ANTXR2: variants seen among roughly 807,000 people sequenced by gnomAD.
ANTXR2 encodes the protein ANTXR cell adhesion molecule 2.
ANTXR2 carries 44 observed loss-of-function variants against 73.7 expected under a neutral mutation model. The ratio of observed to expected loss-of-function variants is 0.60; its 90% CI spans 0.47 to 0.77. The LOEUF is 0.77. Among genes scored for constraint, ANTXR2 ranks in the 30% least tolerant of loss-of-function variants. The pLI, the probability that ANTXR2 is intolerant of heterozygous loss-of-function variation, is 0.00. For synonymous variants in ANTXR2, 217 were observed against 205.9 expected (o/e 1.05, Z -0.46); for missense variants, 604 against 592.5 (o/e 1.02, Z -0.20).
chr4:80,017,599 G>C (rs1731936159), intron 11 of ANTXR2, among the ~76,000 whole-genome samples: 1 of 152,118 alleles, frequency 6.6e-6, no homozygotes, highest in East Asian at 1.9e-4. Context: ...ATCATGCATT[G>C]TTATAGGATA....
intron 16 of ANTXR2, among the ~76,000 whole-genome samples, chr4:79,949,718 A>C (rs1251066803): frequency 1.3e-5 from 2 of 152,190 alleles, no homozygotes; most frequent in Non-Finnish European, 1.5e-5. Context: ...ACTTCATATG[A>C]GGATTAAATA....
chr4:79,908,213 C>T (rs982184431), intron 16 of ANTXR2, among the ~76,000 whole-genome samples: 1 of 152,194 alleles, frequency 6.6e-6, no homozygotes, highest in African/African-American at 2.4e-5. Flanking sequence ...TACTGATCCA[C>T]TGTACCACCT....
intron 16 of ANTXR2, among the ~76,000 whole-genome samples, chr4:79,944,813 A>G (rs1728456526): frequency 6.6e-6 from 1 of 152,026 alleles, no homozygotes; most frequent in Admixed American, 6.6e-5. Context: ...TTCTACCCCA[A>G]TGTTTTCTCC....
intron 12 of ANTXR2, among the ~76,000 whole-genome samples, chr4:80,005,849 A>C (rs1731277072): frequency 6.6e-6 from 1 of 152,086 alleles, no homozygotes; most frequent in Non-Finnish European, 1.5e-5. Context: ...AGACTGATCG[A>C]ATCTCTCCAG....
intron 16 of ANTXR2, among the ~76,000 whole-genome samples, chr4:79,913,813 G>A (rs1727242329): frequency 6.6e-6 from 1 of 152,114 alleles, no homozygotes; most frequent in Non-Finnish European, 1.5e-5. Flanking sequence ...TAGTGCATGA[G>A]AAGGGAACAA....
intron 12 of ANTXR2, among the ~76,000 whole-genome samples, chr4:79,998,989 G>A (rs749848803): frequency 2.0e-5 from 3 of 151,974 alleles, no homozygotes; most frequent in Non-Finnish European, 2.9e-5. Flanking sequence ...GACACTATCT[G>A]CAACATTTAG....
intron 7 of ANTXR2, among the ~76,000 whole-genome samples, chr4:80,049,116 G>A (rs1188642106): frequency 9.4e-6 from 1 of 105,832 alleles, no homozygotes; most frequent in Non-Finnish European, 2.0e-5. Context: ...AATACTTTCT[G>A]AGGTATTCTT....
intron 16 of ANTXR2, among the ~76,000 whole-genome samples, chr4:79,966,730 AAT>A (rs1729380269): frequency 6.6e-6 from 1 of 152,232 alleles, no homozygotes; most frequent in African/African-American, 2.4e-5. Context: ...CAAATAATGA[AAT>A]ATTACTTTTT....
At chr4:79,985,724 A>C (rs1417545350) in intron 12 of ANTXR2, among the ~76,000 whole-genome samples, 1 of 152,168 alleles carries the variant, frequency 6.6e-6, no homozygotes, top group African/African-American at 2.4e-5. Context: ...AGAGTCTCCT[A>C]ACTCAGCCCG....
chr4:80,024,246 G>A (rs892934562), intron 10 of ANTXR2, among the ~76,000 whole-genome samples: 2 of 152,166 alleles, frequency 1.3e-5, no homozygotes, highest in Admixed American at 6.5e-5. Flanking sequence ...CACAGAAGGA[G>A]CAAGTTTGAA....
chr4:80,016,394 C>T (rs1163303285), intron 11 of ANTXR2, among the ~76,000 whole-genome samples: 1 of 152,168 alleles, frequency 6.6e-6, no homozygotes, highest in Non-Finnish European at 1.5e-5. Flanking sequence ...ACATCCTAGT[C>T]TCCCTTCAAG....
At chr4:80,042,431 AC>A (rs1733311800) in intron 7 of ANTXR2, among the ~76,000 whole-genome samples, 1 of 151,826 alleles carries the variant, frequency 6.6e-6, no homozygotes, top group African/African-American at 2.4e-5. Context: ...CTTTCTCTAT[AC>A]TTTTTCTGGA....
intron 7 of ANTXR2, among the ~76,000 whole-genome samples, chr4:80,036,766 C>A (rs568691776): frequency 6.6e-6 from 1 of 152,002 alleles, no homozygotes; most frequent in Admixed American, 6.6e-5. Flanking sequence ...CCAGCCTGGA[C>A]GACAGAGCAA....
chr4:79,985,844 T>A (rs1730124731), intron 12 of ANTXR2, among the ~76,000 whole-genome samples: 1 of 149,094 alleles, frequency 6.7e-6, no homozygotes, highest in Admixed American at 6.7e-5. Context: ...AATTCTTTTT[T>A]TTTTTTTTTT....
chr4:80,028,018 T>C (rs184119216), intron 10 of ANTXR2, among the ~76,000 whole-genome samples: 7 of 152,284 alleles, frequency 4.6e-5, no homozygotes, highest in Admixed American at 1.3e-4. Context: ...AGATTTTTCT[T>C]GGTAAAACAG....
chr4:79,908,610 T>C (rs1360284326), intron 16 of ANTXR2, among the ~76,000 whole-genome samples: 2 of 152,186 alleles, frequency 1.3e-5, no homozygotes, highest in Non-Finnish European at 1.5e-5. Context: ...CATCAAATTA[T>C]CTGTCTTTTA....
chr4:80,072,384 C>A (rs748611273), intron 1 of ANTXR2, 25 bp downstream of exon 1: 2 of 1,573,122 alleles, frequency 1.3e-6, no homozygotes, highest in South Asian at 2.3e-5. Context: ...CACCAGGAGA[C>A]CCTGGACCTC....
At chr4:79,950,349 A>G (rs1728661032) in intron 16 of ANTXR2, among the ~76,000 whole-genome samples, 1 of 152,100 alleles carries the variant, frequency 6.6e-6, no homozygotes, top group African/African-American at 2.4e-5. Context: ...ACCCTTGTCG[A>G]TTTACAAAAA....
chr4:80,064,748 T>A (rs1437091154), intron 3 of ANTXR2, among the ~76,000 whole-genome samples: 1 of 152,044 alleles, frequency 6.6e-6, no homozygotes, highest in Admixed American at 6.6e-5. Context: ...GGTCCTAATG[T>A]GGAAACAAGC....
Sources: gnomAD v4.1 joint callset for allele counts (sites outside exome capture counted in the v4.1 genomes callset) on GRCh38, gnomAD v4.1.1 for gene constraint, MANE v1.5 for transcripts, NCBI Gene and HGNC (gene_info 2026-07-23, HGNC 2026-07-21) for gene names.